The following MEIG1 variants were observed in gnomAD, a reference collection of about 807,000 sequenced individuals.
The protein encoded by MEIG1 is meiosis expressed gene 1 protein homolog.
In MEIG1, 12 loss-of-function variants were observed where a neutral mutation model predicts 11.3. The ratio of observed to expected loss-of-function variants is 1.07; its 90% CI spans 0.68 to 1.73. The LOEUF is 1.73. Ranked by LOEUF, MEIG1 falls within the 40% of genes most tolerant of loss-of-function variation. The pLI, the probability that MEIG1 is intolerant of heterozygous loss-of-function variation, is 0.00. For synonymous variants in MEIG1, 41 were observed against 33.2 expected (o/e 1.24, Z -0.81); for missense variants, 119 against 104.9 (o/e 1.13, Z -0.59).
At chr10:14,970,295 A>G (rs1162280147) in intron 2 of MEIG1, 1 of 152,252 alleles carries the variant, frequency 6.6e-6, no homozygotes, top group Non-Finnish European at 1.5e-5. Flanking sequence ...TTGAAAGTCA[A>G]GAAGAAAAGA....
chr10:14,975,154 G>A (rs930170465), downstream of MEIG1, among the ~76,000 whole-genome samples: 5 of 152,108 alleles, frequency 3.3e-5, no homozygotes, highest in Non-Finnish European at 5.9e-5. Context: ...CACGGAAAAA[G>A]AGAATGCTAT....
At chr10:14,974,132 T>C (rs985851003), downstream of MEIG1, among the ~76,000 whole-genome samples, 55 of 152,174 alleles carry the variant, frequency 3.6e-4, no homozygotes, top group Non-Finnish European at 7.3e-4. Flanking sequence ...AGCTTCCCTG[T>C]CTGGGTTTAG....
upstream of MEIG1, among the ~76,000 whole-genome samples, chr10:14,956,270 A>G (rs994631490): frequency 2.6e-5 from 4 of 152,150 alleles, no homozygotes; most frequent in African/African-American, 9.7e-5. Context: ...TTTGAGAACC[A>G]CTGGATTCGA....
At chr10:14,970,272 G>A (rs1249819392) in intron 2 of MEIG1, 1 of 152,180 alleles carries the variant, frequency 6.6e-6, no homozygotes, top group Non-Finnish European at 1.5e-5. Context: ...CAGATCAAAT[G>A]GAAATGATCA....
At chr10:14,974,850 G>T (rs1843194224), downstream of MEIG1, among the ~76,000 whole-genome samples, 1 of 151,762 alleles carries the variant, frequency 6.6e-6, no homozygotes, top group African/African-American at 2.4e-5. Flanking sequence ...CACTTTATGA[G>T]CAATGATTTC....
At chr10:14,963,411 T>C (rs1245534552) in intron 1 of MEIG1, among the ~76,000 whole-genome samples, 1 of 152,192 alleles carries the variant, frequency 6.6e-6, no homozygotes, top group African/African-American at 2.4e-5. Context: ...TTTTCTTTAA[T>C]ATTTCTTAGA....
At chr10:14,986,194 G>T (rs1030387515) in intron 1 of MEIG1, among the ~76,000 whole-genome samples, 1 of 152,080 alleles carries the variant, frequency 6.6e-6, no homozygotes, top group Non-Finnish European at 1.5e-5. Flanking sequence ...GCGTGCTGGC[G>T]CATGCCTGTA....
intron 1 of MEIG1, among the ~76,000 whole-genome samples, chr10:14,979,264 T>A (rs1302126058): frequency 6.6e-6 from 1 of 151,506 alleles, no homozygotes; most frequent in East Asian, 1.9e-4. Context: ...GTACACCCTG[T>A]GATATTACAC....
intron 1 of MEIG1, among the ~76,000 whole-genome samples, chr10:14,984,846 C>G (rs1843302228): frequency 6.6e-6 from 1 of 150,428 alleles, no homozygotes; most frequent in South Asian, 2.1e-4. Context: ...GTGCAATATT[C>G]TATAGAAATG....
chr10:14,966,054 G>A (rs373771236), intron 1 of MEIG1, among the ~76,000 whole-genome samples: 4 of 107,912 alleles, frequency 3.7e-5, no homozygotes, highest in African/African-American at 1.1e-4. Context: ...TTAAGTGTTA[G>A]TTTTATTTAT....
At chr10:14,984,498 T>C (rs543944944) in intron 1 of MEIG1, among the ~76,000 whole-genome samples, 2 of 152,276 alleles carry the variant, frequency 1.3e-5, no homozygotes, top group East Asian at 3.9e-4. Flanking sequence ...AATGTCACAA[T>C]GTGTGTACAC....
At chr10:14,976,441 A>G (rs1589213754), downstream of MEIG1, among the ~76,000 whole-genome samples, 1 of 151,952 alleles carries the variant, frequency 6.6e-6, no homozygotes, top group East Asian at 1.9e-4. Context: ...GGTTACTTTT[A>G]TTGTCACACG....
intron 1 of MEIG1, among the ~76,000 whole-genome samples, chr10:14,981,401 G>A (rs9943306): frequency 0.2 from 30,546 of 151,966 alleles, 5,547 homozygotes; most frequent in African/African-American, 0.48. Flanking sequence ...GTCAAGGGAC[G>A]GTCTGGCATG....
intron 2 of MEIG1, among the ~76,000 whole-genome samples, chr10:14,967,089 G>C (rs1843093726): frequency 6.6e-6 from 1 of 152,076 alleles, no homozygotes; most frequent in South Asian, 2.1e-4. Flanking sequence ...TGCAGGCAGA[G>C]TGGGAGAAGA....
At chr10:14,954,273 A>G in the MEIG1 span, 2 of 571,864 alleles carry the variant, frequency 3.5e-6, no homozygotes, top group Non-Finnish European at 6.2e-6. Context: ...TGCAAGGCTC[A>G]TTCCCGCCCA....
chr10:14,967,911 T>G (rs774840928), intron 2 of MEIG1, among the ~76,000 whole-genome samples: 23 of 152,178 alleles, frequency 1.5e-4, no homozygotes, highest in Non-Finnish European at 2.9e-4. Flanking sequence ...CAAAAAAAAT[T>G]TCAACAAATT....
At chr10:14,955,666 C>G (rs36231425), upstream of MEIG1, among the ~76,000 whole-genome samples, 204 of 152,278 alleles carry the variant, frequency 1.3e-3, 1 homozygote, top group African/African-American at 4.6e-3. Context: ...CCAGTTCACT[C>G]CAGCCTGGGC....
chr10:14,963,172 C>T (rs1843035598), intron 1 of MEIG1, among the ~76,000 whole-genome samples: 2 of 152,052 alleles, frequency 1.3e-5, no homozygotes, highest in South Asian at 4.1e-4. Flanking sequence ...TCTTGGCTCA[C>T]TGCAACCTCT....
rs572461448 is a variant in MEIG1, at chr10:14,986,925, G to A, written n.196G>A. The A allele has an allele frequency of 2.9e-5, 18 of 624,318 alleles. No individual in the cohort carries two copies. In the East Asian group the frequency reaches 1.1e-3, roughly 39 times the overall value. The allele number at this position is 624,318 out of a possible 1,614,324, so 38.7% of individuals were successfully genotyped here. A position where few individuals can be genotyped will look rare whatever the true frequency, so the allele number is the denominator to read the frequency against. On this transcript the variant is annotated non_coding_transcript_exon_variant, in exon 2 of 3. Transcript: ENST00000467536. ...CAAAATGAGAGATTTCCACATTCTT[G>A]ATGATGGTGAATTGTCACACAATCC...
Sources: allele counts gnomAD v4.1 joint callset (sites outside exome capture counted in the v4.1 genomes callset), GRCh38; gene constraint gnomAD v4.1.1; transcripts MANE v1.5; gene names NCBI Gene and HGNC (gene_info 2026-07-23, HGNC 2026-07-21).